Variants in PLCXD1 observed in about 807,000 individuals in gnomAD.
The protein encoded by PLCXD1 is phosphatidylinositol specific phospholipase C X domain containing 1.
PLCXD1 carries 45 observed loss-of-function variants against 37.8 expected under a neutral mutation model. That is an observed-to-expected ratio of 1.19 (90% CI 0.94 to 1.53). The LOEUF (loss-of-function observed/expected upper bound fraction) is 1.53, where lower values mean the gene tolerates loss of function less well. Among genes scored for constraint, PLCXD1 ranks in the 40% most tolerant of loss-of-function variants. The probability of loss-of-function intolerance (pLI) is 0.00; values close to 1 mark genes in which losing one functional copy is unlikely to be tolerated. For missense variants in PLCXD1, 539 were observed against 454.7 expected, an observed-to-expected ratio of 1.19 and a Z score of -1.69; for synonymous variants, 246 against 206.9, an observed-to-expected ratio of 1.19 and a Z score of -1.62.
At chrX:290,348 T>G (rs1379716597) in intron 3 of PLCXD1, among the ~76,000 whole-genome samples, 2 of 150,478 alleles carry the variant, frequency 1.3e-5, no homozygotes, top group African/African-American at 4.9e-5. Flanking sequence ...GAGAACGGCA[T>G]GAACCCGGGA....
At chrX:292,025 G>A (rs187125701) in intron 5 of PLCXD1, among the ~76,000 whole-genome samples, 6 of 152,182 alleles carry the variant, frequency 3.9e-5, no homozygotes. Flanking sequence ...AATTAGGCTG[G>A]GTGTGGTGGC....
At position 299,711 on chromosome X, in the gene PLCXD1, C is replaced by T. The variant is rs1299485805; in HGVS notation, c.*376C>T. 15 of 320,804 alleles carry T rather than the reference C, an allele frequency of 4.7e-5. No individual in the cohort carries two copies. The highest frequency in any genetic ancestry group is 7.5e-5 in the South Asian group (2 of 26,542). The allele number at this position is 320,804 out of a possible 1,614,324, so 19.9% of individuals were successfully genotyped here. A position where few individuals can be genotyped will look rare whatever the true frequency, so the allele number is the denominator to read the frequency against. On this transcript the variant is annotated 3_prime_UTR_variant, in exon 7 of 7. Transcript: ENST00000381657. ...GATGGAGGTTGCATTGAGCTGACATCGTGCCACTGCACTCCAGTCTGAATG... is the reference window on the plus strand; with the variant it reads ...GATGGAGGTTGCATTGAGCTGACATTGTGCCACTGCACTCCAGTCTGAATG...
At chrX:289,510 C>CTTTTTTTTT (rs1281823641) in intron 3 of PLCXD1, among the ~76,000 whole-genome samples, 2 of 97,786 alleles carry the variant, frequency 2.0e-5, no homozygotes, top group Non-Finnish European at 2.0e-5. Context: ...CTTTTTCTTT[C>CTTTTTTTTT]TTTTTCTTTT....
intron 2 of PLCXD1, among the ~76,000 whole-genome samples, chrX:284,641 C>T (rs2069389585): frequency 1.5e-5 from 2 of 130,294 alleles, no homozygotes; most frequent in South Asian, 4.8e-4. Context: ...CACATCTGCA[C>T]ACACACATGC....
upstream of PLCXD1, chrX:281,157 CG>C (rs2069266698): frequency 9.7e-4 from 2 of 2,072 alleles, no homozygotes; most frequent in African/African-American, 4.7e-3. Context: ...GCAGGCGGAG[CG>C]GGGGGCGTGC....
At chrX:285,463 C>G (rs759285832) in intron 2 of PLCXD1, among the ~76,000 whole-genome samples, 2 of 152,284 alleles carry the variant, frequency 1.3e-5, no homozygotes, top group East Asian at 3.9e-4. Flanking sequence ...CACGTGCACA[C>G]ATAAACATTT....
chrX:299,058 C>T, intron 6 of PLCXD1, 39 bp from the exon 7 acceptor site: 2 of 1,471,766 alleles, frequency 1.4e-6, no homozygotes, highest in Non-Finnish European at 9.5e-7. Context: ...CGGGTGAGGC[C>T]CGTGACCGTG....
chrX:284,274 C>T lies in PLCXD1; in HGVS notation c.87C>T (p.Pro29=). Residue 29 remains proline (P), a synonymous_variant, in exon 2 of 7, where the codon CCC becomes CCT. Coordinates refer to ENST00000381657, the MANE Select transcript of PLCXD1 (RefSeq NM_018390.4). ...ANEDWMSALC[P]RLWDVPLHHL... Reference sequence around the variant, plus strand: ...AGGACTGGATGTCGGCACTGTGTCCCCGGCTCTGGGATGTGCCCCTCCACC... The same window carrying T: ...AGGACTGGATGTCGGCACTGTGTCCTCGGCTCTGGGATGTGCCCCTCCACC... The T allele has an allele frequency of 6.2e-7, 1 of 1,613,572 alleles. No individual in the cohort carries two copies. Among genetic ancestry groups the T allele is most frequent in the Non-Finnish European group, 8.5e-7 (1 of 1,179,868 alleles).
In PLCXD1 at chrX:300,468, G is replaced by GTA. The variant is rs2069972321; in HGVS notation, c.*1134_*1135insAT. On this transcript the variant is annotated 3_prime_UTR_variant, in exon 7 of 7. Transcript: ENST00000381657. Reference sequence around the variant, plus strand: ...TATGTTTATACATGTGTATATGTGTGTGTGTGTGTGTATATGTGTGTATGT... The same window carrying GTA: ...TATGTTTATACATGTGTATATGTGTGTATGTGTGTGTGTATATGTGTGTATGT... 3 of 143,178 alleles carry GTA rather than the reference G, an allele frequency of 2.1e-5. No individual in the cohort carries two copies. The highest frequency in any genetic ancestry group is 3.1e-5 in the Non-Finnish European group (2 of 64,998). The allele number at this position is 143,178 out of a possible 1,614,324, so 8.9% of individuals were successfully genotyped here.
At chrX:282,344 T>TGCACTCCAGCCTGGGTA (rs1406300931) in intron 1 of PLCXD1, among the ~76,000 whole-genome samples, 1 of 146,200 alleles carries the variant, frequency 6.8e-6, no homozygotes, top group Non-Finnish European at 1.5e-5. Flanking sequence ...ATTGCATCAT[T>TGCACTCCAGCCTGGGTA]GCACTCCAGC....
chrX:293,562 C>G (rs1177618599), intron 6 of PLCXD1, among the ~76,000 whole-genome samples: 4 of 152,148 alleles, frequency 2.6e-5, no homozygotes, highest in Non-Finnish European at 4.4e-5. Flanking sequence ...GAGTTCGAGA[C>G]CGGCCTGACC....
intron 1 of PLCXD1, among the ~76,000 whole-genome samples, chrX:282,989 TTA>T (rs1180888684): frequency 2.7e-5 from 4 of 146,306 alleles, no homozygotes; most frequent in Admixed American, 7.0e-5. Context: ...ATAATATATA[TTA>T]TATGTATATA....
chrX:276,702 G>A (rs1189646839), upstream of PLCXD1, among the ~76,000 whole-genome samples: 12 of 152,184 alleles, frequency 7.9e-5, no homozygotes, highest in East Asian at 1.9e-4. Flanking sequence ...AAATGAGCCC[G>A]GGGGCCACGA....
intron 1 of PLCXD1, chrX:283,260 CAA>C (rs111674330): frequency 2.2e-5 from 3 of 137,236 alleles, no homozygotes; most frequent in Non-Finnish European, 4.6e-5. Context: ...AACTGCGTCT[CAA>C]AAAAAAAAAA....
intron 5 of PLCXD1, among the ~76,000 whole-genome samples, chrX:292,422 G>A (rs938452884): frequency 6.6e-6 from 1 of 151,922 alleles, no homozygotes; most frequent in Non-Finnish European, 1.5e-5. Context: ...TCGCGCCACT[G>A]CATTCCAGCC....
intron 2 of PLCXD1, among the ~76,000 whole-genome samples, chrX:285,670 C>T (rs6603173): frequency 0.16 from 23,911 of 152,130 alleles, 2,280 homozygotes; most frequent in South Asian, 0.2. Context: ...CGTAGACACA[C>T]GTCCATGCAC....
At chrX:281,351 ACCCT>A (rs201660794), upstream of PLCXD1, 185 of 152,808 alleles carry the variant, frequency 1.2e-3, 1 homozygote, top group African/African-American at 1.7e-3. Context: ...GGCTCCCGGG[ACCCT>A]CCCTCCCTCC....
Position 301,738 on chromosome X carries a change from G to C in PLCXD1, c.*2403G>C, listed in dbSNP as rs1416124890. 1.3e-5 allele frequency: 2 copies of C among 152,246 alleles called. No individual in the cohort carries two copies. Among genetic ancestry groups the C allele is most frequent in the African/African-American group, 4.8e-5 (2 of 41,444 alleles). The allele number at this position is 152,246 out of a possible 1,614,324, so 9.4% of individuals were successfully genotyped here. A position where few individuals can be genotyped will look rare whatever the true frequency, so the allele number is the denominator to read the frequency against. ...CCTCCCAGGTTCAAGCAATTCTTGT[G>C]CCTCAGCCTCCTGAGTAGCTGGGAT... On this transcript the variant is annotated 3_prime_UTR_variant, in exon 7 of 7. Transcript: ENST00000381657.
At chrX:278,022 GAATGTGGGGA>G (rs2069188230), upstream of PLCXD1, among the ~76,000 whole-genome samples, 2 of 83,506 alleles carry the variant, frequency 2.4e-5, 1 homozygote, top group African/African-American at 1.0e-4. Context: ...GGGTCAGGGG[GAATGTGGGGA>G]CAGGTGTGGG....
Sources: allele counts gnomAD v4.1 joint callset (sites outside exome capture counted in the v4.1 genomes callset), GRCh38; gene constraint gnomAD v4.1.1; transcripts MANE v1.5; gene names NCBI Gene and HGNC (gene_info 2026-07-23, HGNC 2026-07-21).